Variants in CASQ2 observed in about 807,000 individuals in gnomAD.
The protein encoded by CASQ2 is calsequestrin-2.
Under a neutral mutation model 46.5 loss-of-function variants are expected in CASQ2, and 49 were observed. The observed-to-expected ratio is 1.05, with a 90% confidence interval of 0.84 to 1.34. CASQ2 has a LOEUF of 1.34. Ranked by LOEUF, CASQ2 falls within the 40% of genes most tolerant of loss-of-function variation. The probability of loss-of-function intolerance (pLI) is 0.00; values close to 1 mark genes in which losing one functional copy is unlikely to be tolerated. For synonymous variants in CASQ2, 174 were observed against 168.5 expected (o/e 1.03, Z -0.25); for missense variants, 486 against 481.3 (o/e 1.01, Z -0.09).
chr1:115,732,864 A>G, intron 5 of CASQ2, 37 bp downstream of exon 5: 1 of 1,462,328 alleles, frequency 6.8e-7, no homozygotes, highest in Non-Finnish European at 9.6e-7. Context: ...CTTCATGCCT[A>G]CAAAACTGTT....
chr1:115,749,963 C>T (rs1648521476), intron 1 of CASQ2, among the ~76,000 whole-genome samples: 1 of 152,244 alleles, frequency 6.6e-6, no homozygotes, highest in South Asian at 2.1e-4. Context: ...AGTACTCTGG[C>T]ACTTATTGTG....
intron 8 of CASQ2, among the ~76,000 whole-genome samples, chr1:115,711,903 T>C (rs931758512): frequency 2.6e-5 from 4 of 152,184 alleles, no homozygotes; most frequent in Non-Finnish European, 5.9e-5. Flanking sequence ...TTCACCCGCC[T>C]GTAATCCCAA....
chr1:115,727,868 G>A (rs1352720460), intron 5 of CASQ2, among the ~76,000 whole-genome samples: 2 of 152,196 alleles, frequency 1.3e-5, no homozygotes, highest in Non-Finnish European at 2.9e-5. Flanking sequence ...CGATAGCCAG[G>A]AAGACATTTT....
At chr1:115,727,178 T>G (rs1647625097) in intron 5 of CASQ2, 56 bp from the exon 6 acceptor site, 1 of 1,315,904 alleles carries the variant, frequency 7.6e-7, no homozygotes, top group South Asian at 1.2e-5. Context: ...AGAATAGCAG[T>G]GTGTTGTCCA....
intron 5 of CASQ2, among the ~76,000 whole-genome samples, chr1:115,729,157 C>A (rs553395919): frequency 1.4e-5 from 2 of 141,688 alleles, no homozygotes; most frequent in East Asian, 2.3e-4. Flanking sequence ...TCGAGCGATT[C>A]TCCTGCCTCA....
intron 2 of CASQ2, among the ~76,000 whole-genome samples, chr1:115,743,788 C>T (rs539300810): frequency 2.7e-4 from 40 of 149,532 alleles, no homozygotes; most frequent in South Asian, 1.1e-3. Flanking sequence ...AGCCATTCTT[C>T]ACTGGTCATG....
chr1:115,740,398 GC>G (rs1474145111), intron 3 of CASQ2, among the ~76,000 whole-genome samples: 1 of 152,034 alleles, frequency 6.6e-6, no homozygotes, highest in Non-Finnish European at 1.5e-5. Flanking sequence ...TGGCTGGTTA[GC>G]CCCCTCACTC....
chr1:115,738,162 T>C lies in CASQ2; in HGVS notation c.532+62A>G, dbSNP rs1648028384. On this transcript the variant is annotated intron_variant, in intron 4 of 10. Transcript: ENST00000261448. ...AGACCCATCCTCTTTTGGGGTAACC[T>C]GACATACCTTGTTTGGAATCTAGCT... The C allele has an allele frequency of 3.0e-6, 3 of 998,598 alleles. No individual in the cohort carries two copies. In the Admixed American group the frequency reaches 5.1e-5, roughly 17 times the overall value. The allele number at this position is 998,598 out of a possible 1,614,324, so 61.9% of individuals were successfully genotyped here. A position where few individuals can be genotyped will look rare whatever the true frequency, so the allele number is the denominator to read the frequency against.
At chr1:115,761,473 A>G (rs796999862) in intron 1 of CASQ2, among the ~76,000 whole-genome samples, 173 of 16,390 alleles carry the variant, frequency 0.011, 13 homozygotes, top group South Asian at 0.022. Flanking sequence ...GGAGAAGAAG[A>G]AGAAGAAGAA....
Position 115,768,291 on chromosome 1 carries a change from GC to G in CASQ2, c.234+16del. 6.5e-7 allele frequency: 1 copy of G among 1,529,242 alleles called. No homozygotes were observed. Among genetic ancestry groups the G allele is most frequent in the Non-Finnish European group, 9.1e-7 (1 of 1,102,946 alleles). 94.7% of individuals were successfully genotyped at this position (1,529,242 alleles called of 1,614,324 possible). A position where few individuals can be genotyped will look rare whatever the true frequency, so the allele number is the denominator to read the frequency against. ...CTCACTGAGGCAGCGCAGACAGCAT[GC>G]CCTTTGGTTACTTACCTCAAGCACG... On this transcript the variant is annotated intron_variant, in intron 1 of 10. Transcript: ENST00000261448.
intron 7 of CASQ2, among the ~76,000 whole-genome samples, chr1:115,720,161 T>A (rs1489522787): frequency 1.3e-5 from 2 of 152,184 alleles, no homozygotes; most frequent in Non-Finnish European, 2.9e-5. Flanking sequence ...TTATTCGGGC[T>A]GCTATAACAA....
intron 1 of CASQ2, among the ~76,000 whole-genome samples, chr1:115,749,321 A>C (rs930619871): frequency 1.3e-5 from 2 of 152,188 alleles, no homozygotes; most frequent in African/African-American, 4.8e-5. Context: ...CATGTAAAGC[A>C]TGGCCTTCTG....
intron 7 of CASQ2, among the ~76,000 whole-genome samples, chr1:115,724,661 A>G (rs928642689): frequency 3.9e-4 from 59 of 152,326 alleles, no homozygotes; most frequent in African/African-American, 1.4e-3. Context: ...ATTATCCATG[A>G]CACAAACCTA....
chr1:115,752,441 G>C (rs1648616823), intron 1 of CASQ2, among the ~76,000 whole-genome samples: 1 of 152,202 alleles, frequency 6.6e-6, no homozygotes, highest in African/African-American at 2.4e-5. Flanking sequence ...AATAAAAGCG[G>C]TAGTTTCTTC....
intron 7 of CASQ2, among the ~76,000 whole-genome samples, chr1:115,724,315 T>C (rs985725049): frequency 6.6e-6 from 1 of 152,208 alleles, no homozygotes; most frequent in South Asian, 2.1e-4. Context: ...TGTTTGTTTG[T>C]TTGGGGAGAC....
chr1:115,750,896 C>CTGTAGGTATGTATCGCACCTGCAGGA (rs1553196365), intron 1 of CASQ2, among the ~76,000 whole-genome samples: 1 of 150,982 alleles, frequency 6.6e-6, no homozygotes, highest in Non-Finnish European at 1.5e-5. Flanking sequence ...AGATTGTATC[C>CTGTAGGTATGTATCGCACCTGCAGGA]TGTAGGTATG....
rs748040976 is a variant in CASQ2 at position 115,757,184 on chromosome 1, T to G, written c.234+11124A>C. On this transcript the variant is annotated intron_variant, in intron 1 of 10. Coordinates refer to ENST00000261448, the MANE Select transcript of CASQ2 (RefSeq NM_001232.4). Reference sequence around the variant, plus strand: ...GGTGAAAGGAAAAATTTAACTGTAATCAACTCAATCCATGCTTTTACAACT... The same window carrying G: ...GGTGAAAGGAAAAATTTAACTGTAAGCAACTCAATCCATGCTTTTACAACT... Among the ~76,000 whole-genome samples the G allele has an allele frequency of 4.7e-4, 72 of 152,306 alleles. No individual in the cohort carries two copies. The Middle Eastern group carries it at 0.017, about 36-fold the overall frequency.
Position 115,768,533 on chromosome 1 carries a change from T to A in CASQ2, c.9A>T (p.Arg3Ser). 1.2e-6 allele frequency: 2 copies of A among 1,608,416 alleles called. No individual in the cohort carries two copies. The highest frequency in any genetic ancestry group is 1.7e-6 in the Non-Finnish European group (2 of 1,174,920). Residue 3 changes from arginine (R) to serine (S), a missense_variant, in exon 1 of 11, where the codon AGA (arginine) becomes AGT (serine). Arg to Ser is a moderately radical substitution (Grantham distance 110). Transcript: ENST00000261448. The part of the protein sequence containing the change: MK[R>S]THLFIVGIYF... ...AAATCCCCACAATAAACAAGTGAGT[T>A]CTCTTCATTTGGGAAAACTTTTGTT...
rs564451231 is a variant in CASQ2, at chr1:115,701,215, T to A, written c.*26A>T. 8 of 1,613,694 alleles carry A rather than the reference T, an allele frequency of 5.0e-6. No homozygotes were observed. The South Asian group carries it at 6.6e-5, about 13-fold the overall frequency. On this transcript the variant is annotated 3_prime_UTR_variant, in exon 11 of 11. Transcript: ENST00000261448. ...ATGGTAGTGGGTGCTGTGATTTTGT[T>A]TTCATCAGAATTGTTTGGAGTTGGG...
Sources: gnomAD v4.1 joint callset for allele counts (sites outside exome capture counted in the v4.1 genomes callset) on GRCh38, gnomAD v4.1.1 for gene constraint, MANE v1.5 for transcripts, NCBI Gene and HGNC (gene_info 2026-07-23, HGNC 2026-07-21) for gene names.